RPS6KA2: variants seen among roughly 807,000 people sequenced by gnomAD.
RPS6KA2 encodes the protein ribosomal protein S6 kinase alpha-2.
RPS6KA2 carries 42 observed loss-of-function variants against 91.8 expected under a neutral mutation model. The ratio of observed to expected loss-of-function variants is 0.46; its 90% CI spans 0.36 to 0.59. RPS6KA2 has a LOEUF of 0.59. RPS6KA2 is among the 20% of genes least tolerant of loss of function. The probability of loss-of-function intolerance (pLI) is 0.00; values close to 1 mark genes in which losing one functional copy is unlikely to be tolerated. For synonymous variants in RPS6KA2, 414 were observed against 393.6 expected (o/e 1.05, Z -0.61); for missense variants, 798 against 978.5 (o/e 0.82, Z 2.46).
At chr6:166,510,156 AG>A in intron 4 of RPS6KA2, 120 bp downstream of exon 4, 1 of 553,990 alleles carries the variant, frequency 1.8e-6, no homozygotes, top group Middle Eastern at 3.5e-4. Flanking sequence ...CAGGCAGGGC[AG>A]GACTCTATGG....
intron 1 of RPS6KA2, among the ~76,000 whole-genome samples, chr6:166,616,520 G>A (rs529861755): frequency 2.0e-5 from 3 of 152,330 alleles, no homozygotes; most frequent in Admixed American, 6.5e-5. Context: ...GGACAGCTCC[G>A]GTAGGTGCAT....
chr6:166,463,828 C>A (rs1177456749), intron 11 of RPS6KA2, among the ~76,000 whole-genome samples: 1 of 152,100 alleles, frequency 6.6e-6, no homozygotes, highest in Non-Finnish European at 1.5e-5. Context: ...TCGAAAGCGC[C>A]GCAGGAAGAA....
At chr6:166,551,651 A>C (rs1048898160) in intron 1 of RPS6KA2, among the ~76,000 whole-genome samples, 2 of 152,120 alleles carry the variant, frequency 1.3e-5, no homozygotes, top group Non-Finnish European at 2.9e-5. Context: ...TTTTAAACTA[A>C]CCTAGTTATT....
chr6:166,781,206 T>C (rs534766054), intron 2 of RPS6KA2, among the ~76,000 whole-genome samples: 1 of 152,364 alleles, frequency 6.6e-6, no homozygotes, highest in Admixed American at 6.5e-5. Flanking sequence ...TTAAGTGTAT[T>C]TAAGACGAAG....
rs1038509028 is a variant in RPS6KA2 at position 166,796,418 on chromosome 6, G to A, written c.123+61782C>T. Among the ~76,000 whole-genome samples the A allele has an allele frequency of 2.6e-5, 4 of 152,074 alleles. No homozygotes were observed. The East Asian group carries it at 7.7e-4, about 29-fold the overall frequency. Reference sequence around the variant, plus strand: ...ATCCTGGCCAACATGATAAAACCCTGTCTCTATTAAAAACACAAAAATTAG... The same window carrying A: ...ATCCTGGCCAACATGATAAAACCCTATCTCTATTAAAAACACAAAAATTAG... On this transcript the variant is annotated intron_variant, in intron 2 of 21. Transcript: ENST00000503859.
intron 2 of RPS6KA2, among the ~76,000 whole-genome samples, chr6:166,766,548 G>T (rs1432032697): frequency 1.3e-5 from 2 of 152,128 alleles, no homozygotes; most frequent in South Asian, 2.1e-4. Context: ...TAGGAGGTGG[G>T]CTATAGCTGA....
At chr6:166,617,510 A>G (rs925559520) in intron 1 of RPS6KA2, among the ~76,000 whole-genome samples, 1 of 152,180 alleles carries the variant, frequency 6.6e-6, no homozygotes, top group Non-Finnish European at 1.5e-5. Context: ...AAGAAACCCA[A>G]TGCCAGCACC....
intron 2 of RPS6KA2, among the ~76,000 whole-genome samples, chr6:166,800,309 G>A (rs1307881154): frequency 6.6e-6 from 1 of 152,184 alleles, no homozygotes; most frequent in Non-Finnish European, 1.5e-5. Context: ...GGGAGGACAT[G>A]GGGGAGCAGC....
chr6:166,731,666 T>G (rs1054239154), intron 2 of RPS6KA2, among the ~76,000 whole-genome samples: 1 of 151,914 alleles, frequency 6.6e-6, no homozygotes, highest in East Asian at 1.9e-4. Flanking sequence ...AGGAGGTAAA[T>G]GACCCTGGCC....
chr6:166,598,184 A>C (rs1299576252), intron 1 of RPS6KA2, among the ~76,000 whole-genome samples: 1 of 152,228 alleles, frequency 6.6e-6, no homozygotes, highest in Non-Finnish European at 1.5e-5. Flanking sequence ...GGAAGAGAAG[A>C]CATTGTGGGG....
intron 2 of RPS6KA2, among the ~76,000 whole-genome samples, chr6:166,745,296 T>C (rs1439725430): frequency 5.9e-4 from 89 of 152,104 alleles, no homozygotes; most frequent in South Asian, 1.2e-3. Context: ...GGATTTCAGG[T>C]GTGTGCCACC....
Position 166,603,988 on chromosome 6 carries a change from C to G in RPS6KA2, c.99+22933G>C, listed in dbSNP as rs183937415. ...CCTAACGTGTCCCTCCTAGAAGTCA[C>G]GAAGAGAAAAGGGCGAGACTATGAA... On this transcript the variant is annotated intron_variant, in intron 1 of 20. Coordinates refer to ENST00000265678, the MANE Select transcript of RPS6KA2 (RefSeq NM_021135.6). This position sits in a 1 kb window ranked among gnomAD's most constrained non-coding sequence, Gnocchi z 4.3. Among the ~76,000 whole-genome samples the G allele has an allele frequency of 6.6e-5, 10 of 151,946 alleles. 1 individual carries two copies. In the South Asian group the frequency reaches 2.1e-3, roughly 32 times the overall value.
intron 10 of RPS6KA2, among the ~76,000 whole-genome samples, chr6:166,471,843 C>T (rs750603244): frequency 2.6e-5 from 4 of 152,350 alleles, no homozygotes; most frequent in East Asian, 1.9e-4. Flanking sequence ...GAGGCCCCTC[C>T]GGGTCCCCAG....
chr6:166,625,642 C>G (rs1457803651), intron 1 of RPS6KA2, among the ~76,000 whole-genome samples: 1 of 150,368 alleles, frequency 6.7e-6, no homozygotes, highest in Non-Finnish European at 1.5e-5. Context: ...TTCTGAGTTT[C>G]TGATCTTGTC....
At chr6:166,723,090 G>A (rs1436950311) in intron 2 of RPS6KA2, among the ~76,000 whole-genome samples, 2 of 152,222 alleles carry the variant, frequency 1.3e-5, no homozygotes, top group Non-Finnish European at 2.9e-5. Flanking sequence ...TAAGGCCCAA[G>A]TAAAGTTGTC....
intron 2 of RPS6KA2, among the ~76,000 whole-genome samples, chr6:166,750,237 G>C (rs557971575): frequency 1.3e-5 from 2 of 152,170 alleles, no homozygotes; most frequent in African/African-American, 4.8e-5. Context: ...CAGAGACATC[G>C]GGCGTGCTCC....
chr6:166,527,700 C>T (rs1783110443), intron 3 of RPS6KA2, among the ~76,000 whole-genome samples: 1 of 152,198 alleles, frequency 6.6e-6, no homozygotes, highest in African/African-American at 2.4e-5. Flanking sequence ...CCTGTCTGCA[C>T]TCAGTTCCCA....
At chr6:166,491,834 T>G (rs1362069309) in intron 8 of RPS6KA2, among the ~76,000 whole-genome samples, 1 of 152,254 alleles carries the variant, frequency 6.6e-6, no homozygotes, top group East Asian at 1.9e-4. Context: ...AAGCTGTTTT[T>G]TATTTTGTTT....
chr6:166,532,844 A>AGAGTGT (rs573257516), intron 2 of RPS6KA2, among the ~76,000 whole-genome samples: 31 of 149,580 alleles, frequency 2.1e-4, no homozygotes, highest in African/African-American at 6.4e-4. Context: ...AGAGAGAGAG[A>AGAGTGT]GTGTGTGTGT....
Sources: gnomAD v4.1 joint callset for allele counts (sites outside exome capture counted in the v4.1 genomes callset) on GRCh38, gnomAD v4.1.1 for gene constraint, Gnocchi (gnomAD v3.1) non-coding constraint, MANE v1.5 for transcripts, NCBI Gene and HGNC (gene_info 2026-07-23, HGNC 2026-07-21) for gene names.